The following PLCB4 variants were observed in gnomAD, a reference collection of about 807,000 sequenced individuals.
PLCB4 encodes 1-phosphatidylinositol 4,5-bisphosphate phosphodiesterase beta-4.
In PLCB4, 77 loss-of-function variants were observed where a neutral mutation model predicts 178.8. The ratio of observed to expected loss-of-function variants is 0.43; its 90% CI spans 0.36 to 0.52. The LOEUF (loss-of-function observed/expected upper bound fraction) is 0.52. Among genes scored for constraint, PLCB4 ranks in the 20% least tolerant of loss-of-function variants. PLCB4 has a pLI of 0.00. For missense variants in PLCB4, 1,024 were observed against 1,453.4 expected (o/e 0.70, Z 4.80); for synonymous variants, 496 against 490.8 (o/e 1.01, Z -0.14).
rs190013035 is a variant in PLCB4, at chr20:9,426,832, A to G, written c.2524+2880A>G. On this transcript the variant is annotated intron_variant, in intron 28 of 39. Transcript: ENST00000378473. ...TATGTCGGCCATAATTTAGTTATGG[A>G]TAAACACTGAAGTTTTCTTCCTTGG... 7.3e-3 allele frequency among the ~76,000 whole-genome samples: 1,115 copies of G among 152,242 alleles called. 9 individuals carry two copies. The highest frequency in any genetic ancestry group is 0.012 in the Non-Finnish European group (810 of 68,032).
chr20:9,458,995 T>C (rs917532604), intron 34 of PLCB4, among the ~76,000 whole-genome samples: 3 of 152,116 alleles, frequency 2.0e-5, no homozygotes, highest in Non-Finnish European at 4.4e-5. Context: ...TGGAGAAACA[T>C]AAGGTGATAA....
intron 3 of PLCB4, among the ~76,000 whole-genome samples, chr20:9,274,087 C>T (rs1161881162): frequency 6.6e-6 from 1 of 152,010 alleles, no homozygotes; most frequent in Non-Finnish European, 1.5e-5. Context: ...AAGAATTAGA[C>T]AGAAGAGTCA....
intron 4 of PLCB4, among the ~76,000 whole-genome samples, chr20:9,315,644 C>T (rs1372955853): frequency 2.6e-5 from 4 of 152,140 alleles, no homozygotes; most frequent in African/African-American, 9.6e-5. Context: ...TAAGAAGTAG[C>T]TAGATTGGCC....
At chr20:9,214,322 A>G (rs766525354) in intron 2 of PLCB4, among the ~76,000 whole-genome samples, 15 of 152,066 alleles carry the variant, frequency 9.9e-5, no homozygotes, top group Non-Finnish European at 2.1e-4. Flanking sequence ...GCCTATCTTC[A>G]TTCGTTTGCG....
chr20:9,380,051 T>C lies in PLCB4; in HGVS notation c.745-3T>C. The C allele has an allele frequency of 6.6e-7, 1 of 1,505,642 alleles. No individual in the cohort carries two copies. Among genetic ancestry groups the C allele is most frequent in the Non-Finnish European group, 9.2e-7 (1 of 1,088,624 alleles). The allele number at this position is 1,505,642 out of a possible 1,614,324, so 93.3% of individuals were successfully genotyped here. On this transcript the variant is annotated splice_polypyrimidine_tract_variant and splice_region_variant and intron_variant, in intron 12 of 39. Coordinates refer to ENST00000378473, the MANE Select transcript of PLCB4 (RefSeq NM_001377142.1). ...CCTAAATGGAGTTATTTTCTTATCA[T>C]AGCATCAACGAGATCCTCGATTGAA...
At chr20:9,268,328 C>T (rs1215158212) in intron 3 of PLCB4, among the ~76,000 whole-genome samples, 1 of 152,092 alleles carries the variant, frequency 6.6e-6, no homozygotes, top group Non-Finnish European at 1.5e-5. Flanking sequence ...TCTGCCATGT[C>T]TTCTGCTGTG....
intron 32 of PLCB4, 55 bp downstream of exon 32, chr20:9,444,298 C>A: frequency 3.8e-6 from 4 of 1,039,698 alleles, no homozygotes; most frequent in Non-Finnish European, 5.9e-6. Flanking sequence ...TCATTTGTAG[C>A]CAAAAACACT....
intron 3 of PLCB4, chr20:9,280,367 C>G (rs1168656356): frequency 4.2e-6 from 3 of 706,322 alleles, no homozygotes; most frequent in Middle Eastern, 7.1e-4. Flanking sequence ...ATTGGATTTC[C>G]AAGTTGGGAA....
At chr20:9,073,843 G>A (rs976079993) in intron 1 of PLCB4, among the ~76,000 whole-genome samples, 6 of 152,042 alleles carry the variant, frequency 3.9e-5, no homozygotes, top group Non-Finnish European at 8.8e-5. Flanking sequence ...AGCTGAGATC[G>A]CATCAGTGCA....
chr20:9,422,574 G>A (rs561689636), intron 27 of PLCB4, among the ~76,000 whole-genome samples: 2 of 152,236 alleles, frequency 1.3e-5, no homozygotes, highest in East Asian at 3.9e-4. Flanking sequence ...GTTGACTCAG[G>A]CATTCTTTGT....
chr20:9,424,744 A>T (rs768497233), intron 28 of PLCB4, among the ~76,000 whole-genome samples: 1 of 152,188 alleles, frequency 6.6e-6, no homozygotes, highest in Admixed American at 6.5e-5. Flanking sequence ...TGAGGTGCTT[A>T]TCATTAGAGT....
intron 2 of PLCB4, among the ~76,000 whole-genome samples, chr20:9,185,766 G>C (rs528339137): frequency 2.6e-5 from 4 of 152,058 alleles, no homozygotes; most frequent in African/African-American, 9.7e-5. Context: ...TGGCTTCCTC[G>C]CTGCTCTGCT....
rs76578428 is a variant in PLCB4, at chr20:9,475,587, A to G, written c.3496-1130A>G. ...GATAAAGATTTAATGAGATTCAAGG[A>G]AAAGACATTCAAGATATCATACTGA... is the stretch of plus-strand genomic sequence containing the variant. On this transcript the variant is annotated intron_variant, in intron 38 of 39. Transcript: ENST00000378473. 2.7e-3 allele frequency among the ~76,000 whole-genome samples: 411 copies of G among 152,344 alleles called. 1 individual carries two copies. Among genetic ancestry groups the G allele is most frequent in the African/African-American group, 8.5e-3 (352 of 41,576 alleles).
At chr20:9,367,215 C>T (rs1393626943) in intron 9 of PLCB4, among the ~76,000 whole-genome samples, 3 of 152,212 alleles carry the variant, frequency 2.0e-5, no homozygotes, top group Non-Finnish European at 2.9e-5. Flanking sequence ...CATGTGACCA[C>T]TTAAATATCG....
chr20:9,184,621 A>C (rs77786506), intron 2 of PLCB4, among the ~76,000 whole-genome samples: 22 of 134,832 alleles, frequency 1.6e-4, no homozygotes, highest in South Asian at 4.8e-4. Context: ...AAAAAAAAAA[A>C]CCTCTGGTTT....
At chr20:9,297,176 A>G (rs2094647489) in intron 3 of PLCB4, among the ~76,000 whole-genome samples, 1 of 151,848 alleles carries the variant, frequency 6.6e-6, no homozygotes, top group East Asian at 1.9e-4. Context: ...CACACCATAT[A>G]TATATTTTTT....
chr20:9,220,053 T>C (rs2147284843), intron 3 of PLCB4, among the ~76,000 whole-genome samples: 1 of 152,216 alleles, frequency 6.6e-6, no homozygotes, highest in Non-Finnish European at 1.5e-5. Flanking sequence ...GTCAATAAAC[T>C]CCTAAAATAG....
At chr20:9,283,684 C>T (rs2094513800) in intron 3 of PLCB4, among the ~76,000 whole-genome samples, 2 of 151,898 alleles carry the variant, frequency 1.3e-5, no homozygotes, top group South Asian at 4.1e-4. Flanking sequence ...AGTCTACCTA[C>T]TCTGCTGGAT....
At chr20:9,278,187 G>A (rs2094466068) in intron 3 of PLCB4, among the ~76,000 whole-genome samples, 1 of 151,984 alleles carries the variant, frequency 6.6e-6, no homozygotes, top group African/African-American at 2.4e-5. Context: ...TAGGGAAGAG[G>A]TGGCTTGTGA....
Sources: gnomAD v4.1 joint callset for allele counts (sites outside exome capture counted in the v4.1 genomes callset) on GRCh38, gnomAD v4.1.1 for gene constraint, MANE v1.5 for transcripts, NCBI Gene and HGNC (gene_info 2026-07-23, HGNC 2026-07-21) for gene names.